IFT25: variants seen among roughly 807,000 people sequenced by gnomAD.
IFT25 encodes the protein intraflagellar transport 25, also known as intraflagellar transport protein 25 homolog.
the IFT25 span, chr1:53,945,510 C>A: frequency 6.5e-6 from 1 of 153,142 alleles, no homozygotes. Context: ...CGGCCAGGCC[C>A]CCATACCCTC....
the IFT25 span, among the ~76,000 whole-genome samples, chr1:53,940,280 G>C: frequency 6.6e-6 from 1 of 152,028 alleles, no homozygotes; most frequent in African/African-American, 2.4e-5. Context: ...TAATCTATAA[G>C]ACATGACTAT....
At chr1:53,920,523 T>C in the IFT25 span, among the ~76,000 whole-genome samples, 3 of 152,222 alleles carry the variant, frequency 2.0e-5, no homozygotes, top group African/African-American at 7.2e-5. Flanking sequence ...TGTCACACTT[T>C]TGGAATTGGC....
the IFT25 span, among the ~76,000 whole-genome samples, chr1:53,940,275 T>A: frequency 6.6e-6 from 1 of 152,114 alleles, no homozygotes; most frequent in Admixed American, 6.5e-5. Context: ...AGGGATAATC[T>A]ATAAGACATG....
At chr1:53,919,917 G>C in the IFT25 span, among the ~76,000 whole-genome samples, 1 of 151,814 alleles carries the variant, frequency 6.6e-6, no homozygotes, top group Non-Finnish European at 1.5e-5. Context: ...AGCCTCCCAA[G>C]CAGCTGAGAC....
chr1:53,922,392 C>A, the IFT25 span, among the ~76,000 whole-genome samples: 1 of 125,248 alleles, frequency 8.0e-6, no homozygotes, highest in African/African-American at 3.9e-5. Context: ...AAAATTCCGT[C>A]TCAAAAAAAA....
chr1:53,912,543 CA>C, the IFT25 span, among the ~76,000 whole-genome samples: 1 of 152,154 alleles, frequency 6.6e-6, no homozygotes, highest in East Asian at 1.9e-4. Context: ...GTGAATCCAA[CA>C]ATGCTTTTTG....
the IFT25 span, among the ~76,000 whole-genome samples, chr1:53,932,563 T>C: frequency 6.6e-6 from 1 of 152,202 alleles, no homozygotes; most frequent in African/African-American, 2.4e-5. Flanking sequence ...TCAGTGAATG[T>C]TCAATATGCT....
chr1:53,941,228 T>A, the IFT25 span, among the ~76,000 whole-genome samples: 7 of 151,786 alleles, frequency 4.6e-5, no homozygotes, highest in African/African-American at 1.7e-4. Flanking sequence ...CTCCTGACCT[T>A]GTGATCCACC....
At chr1:53,928,287 C>T in the IFT25 span, 2 of 1,092,180 alleles carry the variant, frequency 1.8e-6, no homozygotes, top group Non-Finnish European at 2.8e-6. Flanking sequence ...CTTTTTTCAC[C>T]AAAGTGCAGC....
the IFT25 span, among the ~76,000 whole-genome samples, chr1:53,939,208 G>A: frequency 6.6e-5 from 10 of 151,100 alleles, no homozygotes; most frequent in Admixed American, 4.6e-4. Flanking sequence ...TGGCCAATAC[G>A]GTGAAATCCC....
the IFT25 span, among the ~76,000 whole-genome samples, chr1:53,920,503 G>T: frequency 6.8e-6 from 1 of 147,272 alleles, no homozygotes; most frequent in South Asian, 2.1e-4. Flanking sequence ...GGCTAATCTT[G>T]TCTATTTCTT....
the IFT25 span, chr1:53,930,215 T>C: frequency 7.2e-7 from 1 of 1,390,518 alleles, no homozygotes; most frequent in East Asian, 2.8e-5. Context: ...TTTTATTGAA[T>C]ACCTGTTTTT....
At chr1:53,919,569 A>G in the IFT25 span, among the ~76,000 whole-genome samples, 1 of 152,238 alleles carries the variant, frequency 6.6e-6, no homozygotes, top group East Asian at 1.9e-4. Context: ...CTGCCAGCAT[A>G]TCCCCAGAAT....
At chr1:53,935,957 A>G in the IFT25 span, among the ~76,000 whole-genome samples, 1 of 152,098 alleles carries the variant, frequency 6.6e-6, no homozygotes, top group Admixed American at 6.5e-5. Context: ...ATATCACCTG[A>G]ATTTTAAAAT....
At chr1:53,920,427 A>G in the IFT25 span, among the ~76,000 whole-genome samples, 32 of 140,060 alleles carry the variant, frequency 2.3e-4, no homozygotes, top group African/African-American at 8.4e-4. Flanking sequence ...GAGTACCTTC[A>G]TGTTAGCTTC....
chr1:53,938,213 A>G, the IFT25 span, among the ~76,000 whole-genome samples: 1 of 152,192 alleles, frequency 6.6e-6, no homozygotes, highest in Admixed American at 6.5e-5. Context: ...ATAAAGCCCT[A>G]TGCAAATGTA....
At chr1:53,915,983 G>A in the IFT25 span, among the ~76,000 whole-genome samples, 36 of 152,210 alleles carry the variant, frequency 2.4e-4, no homozygotes, top group East Asian at 1.9e-3. Flanking sequence ...CTGGGAGCTC[G>A]AGACTAGCCT....
the IFT25 span, chr1:53,929,034 A>G: frequency 6.6e-6 from 1 of 152,512 alleles, no homozygotes; most frequent in Non-Finnish European, 1.5e-5. Flanking sequence ...AGTCTCTACC[A>G]CTCCAGATCC....
chr1:53,917,031 C>G, the IFT25 span: 4 of 219,798 alleles, frequency 1.8e-5, no homozygotes, highest in African/African-American at 4.6e-5. Flanking sequence ...GTAATCCCAG[C>G]TCCTAGGGAG....
Sources: allele counts gnomAD v4.1 joint callset (sites outside exome capture counted in the v4.1 genomes callset), GRCh38; gene constraint gnomAD v4.1.1; transcripts MANE v1.5; gene names NCBI Gene and HGNC (gene_info 2026-07-23, HGNC 2026-07-21).